The following PCDHA11 variants were observed in gnomAD, a reference collection of about 807,000 sequenced individuals.
PCDHA11 encodes the protein protocadherin alpha 11, also known as protocadherin alpha-11.
PCDHA11 carries 61 observed loss-of-function variants against 70.3 expected under a neutral mutation model. That is an observed-to-expected ratio of 0.87 (90% CI 0.71 to 1.07). PCDHA11 has a LOEUF of 1.07. Among genes scored for constraint, PCDHA11 ranks in the 50% least tolerant of loss-of-function variants. PCDHA11 has a pLI of 0.00. For missense variants in PCDHA11, 1,324 were observed against 1,237.5 expected (o/e 1.07, Z -1.05); for synonymous variants, 633 against 555.1 (o/e 1.14, Z -1.97).
intron 1 of PCDHA11, chr5:140,883,274 C>T (rs1554177451): frequency 1.9e-6 from 3 of 1,613,998 alleles, no homozygotes; most frequent in South Asian, 2.2e-5. Flanking sequence ...TCATTGTACC[C>T]TTTTGGTGGA....
chr5:140,934,998 T>A (rs1242919330), intron 1 of PCDHA11, among the ~76,000 whole-genome samples: 1 of 152,198 alleles, frequency 6.6e-6, no homozygotes, highest in Non-Finnish European at 1.5e-5. Flanking sequence ...CCCTGAATCC[T>A]TTTCATGTGA....
chr5:140,983,022 A>G (rs2097023004), intron 3 of PCDHA11, among the ~76,000 whole-genome samples: 1 of 152,114 alleles, frequency 6.6e-6, no homozygotes, highest in Non-Finnish European at 1.5e-5. Flanking sequence ...GGAAGGAAGG[A>G]AGATGGTTTC....
At chr5:140,944,134 A>G (rs890508296) in intron 1 of PCDHA11, among the ~76,000 whole-genome samples, 1 of 152,122 alleles carries the variant, frequency 6.6e-6, no homozygotes, top group East Asian at 1.9e-4. Context: ...GAAAAGGTTG[A>G]AGATTAGAAG....
intron 1 of PCDHA11, among the ~76,000 whole-genome samples, chr5:140,911,105 G>A (rs960375597): frequency 3.2e-4 from 48 of 152,082 alleles, no homozygotes; most frequent in African/African-American, 1.2e-3. Flanking sequence ...CTGCCTCAGG[G>A]GAAGCCATCA....
intron 1 of PCDHA11, among the ~76,000 whole-genome samples, chr5:140,881,102 T>C (rs1470850677): frequency 1.3e-5 from 2 of 152,230 alleles, no homozygotes; most frequent in African/African-American, 4.8e-5. Flanking sequence ...ATTACACCAT[T>C]TGGCCTGGGA....
intron 1 of PCDHA11, chr5:140,928,695 C>T (rs782305388): frequency 9.3e-6 from 15 of 1,614,058 alleles, no homozygotes; most frequent in Non-Finnish European, 1.3e-5. Context: ...ACCACATCTC[C>T]CGGGCGTCTG....
chr5:140,984,656 G>A (rs1465387950), intron 3 of PCDHA11, among the ~76,000 whole-genome samples: 2 of 152,082 alleles, frequency 1.3e-5, no homozygotes, highest in Non-Finnish European at 2.9e-5. Context: ...TGTCCTTCTG[G>A]TACTTTTAGG....
At chr5:140,933,618 G>T (rs2089270614) in intron 1 of PCDHA11, among the ~76,000 whole-genome samples, 1 of 151,904 alleles carries the variant, frequency 6.6e-6, no homozygotes, top group African/African-American at 2.4e-5. Flanking sequence ...TTCTTATTAG[G>T]TTAGGCTGGC....
intron 1 of PCDHA11, chr5:140,926,536 G>T (rs1420585785): frequency 4.6e-6 from 1 of 217,790 alleles, no homozygotes. Flanking sequence ...CGCAGCCAGC[G>T]TGGTGGTCGA....
At chr5:140,927,926 T>C (rs782407263) in intron 1 of PCDHA11, 2 of 1,614,212 alleles carry the variant, frequency 1.2e-6, no homozygotes, top group East Asian at 2.2e-5. Context: ...TTCCTGACTC[T>C]TTCGAACCCA....
intron 1 of PCDHA11, among the ~76,000 whole-genome samples, chr5:140,954,400 A>G (rs1349668578): frequency 6.6e-6 from 1 of 152,214 alleles, no homozygotes; most frequent in East Asian, 1.9e-4. Context: ...CAACCCCACC[A>G]ACAGGGTAAA....
At chr5:140,934,547 C>A (rs2089905916) in intron 1 of PCDHA11, among the ~76,000 whole-genome samples, 1 of 152,124 alleles carries the variant, frequency 6.6e-6, no homozygotes, top group African/African-American at 2.4e-5. Flanking sequence ...CTAATTCTAT[C>A]ATTTCTTCTT....
intron 1 of PCDHA11, among the ~76,000 whole-genome samples, chr5:140,903,933 A>G (rs1348730153): frequency 1.3e-5 from 2 of 152,220 alleles, no homozygotes; most frequent in East Asian, 1.9e-4. Context: ...ATTGGATAAT[A>G]CCTCTTAAAT....
chr5:140,967,272 TAG>T, intron 1 of PCDHA11: 1 of 1,613,412 alleles, frequency 6.2e-7, no homozygotes, highest in Non-Finnish European at 8.5e-7. Flanking sequence ...CGCTTTCACA[TAG>T]AGAGTGCGCA....
intron 1 of PCDHA11, chr5:140,928,142 C>T (rs2084978114): frequency 1.9e-6 from 3 of 1,614,170 alleles, no homozygotes; most frequent in East Asian, 2.2e-5. Flanking sequence ...CTGATCACGG[C>T]CTCAGATAGT....
chr5:140,906,680 C>T (rs2072848945), intron 1 of PCDHA11, among the ~76,000 whole-genome samples: 2 of 152,166 alleles, frequency 1.3e-5, no homozygotes, highest in Admixed American at 6.5e-5. Context: ...AACCTTCATT[C>T]CTGAAGGATC....
intron 3 of PCDHA11, among the ~76,000 whole-genome samples, chr5:141,005,586 C>T (rs1428172819): frequency 6.6e-6 from 1 of 150,712 alleles, no homozygotes; most frequent in Non-Finnish European, 1.5e-5. Flanking sequence ...CCTGTAGTCC[C>T]AGCTACACAG....
chr5:140,966,753 C>G, intron 1 of PCDHA11: 3 of 1,433,176 alleles, frequency 2.1e-6, no homozygotes, highest in South Asian at 1.5e-5. Flanking sequence ...CTGCCTCCGC[C>G]GCGGCCAGTG....
At chr5:140,980,347 C>G (rs1329268780) in intron 2 of PCDHA11, among the ~76,000 whole-genome samples, 2 of 152,132 alleles carry the variant, frequency 1.3e-5, no homozygotes, top group African/African-American at 4.8e-5. Context: ...ACATAACTTC[C>G]TGGACTGGGC....
Sources: gnomAD v4.1 joint callset for allele counts (sites outside exome capture counted in the v4.1 genomes callset) on GRCh38, gnomAD v4.1.1 for gene constraint, MANE v1.5 for transcripts, NCBI Gene and HGNC (gene_info 2026-07-23, HGNC 2026-07-21) for gene names.